DDB2: variants seen among roughly 807,000 people sequenced by gnomAD.
DDB2 encodes the protein damage specific DNA binding protein 2.
DDB2 carries 27 observed loss-of-function variants against 50.5 expected under a neutral mutation model. That is an observed-to-expected ratio of 0.53 (90% confidence interval 0.39 to 0.74). The LOEUF (loss-of-function observed/expected upper bound fraction) is 0.74. Ranked by LOEUF, DDB2 falls within the 30% of genes least tolerant of loss-of-function variation. The pLI, the probability that DDB2 is intolerant of heterozygous loss-of-function variation, is 0.00. For missense variants in DDB2, 424 were observed against 545.6 expected (o/e 0.78, Z 2.22); for synonymous variants, 176 against 205.5 (o/e 0.86, Z 1.23).
intron 4 of DDB2, 132 bp downstream of exon 4, chr11:47,233,091 T>G: frequency 9.3e-7 from 1 of 1,074,586 alleles, no homozygotes; most frequent in East Asian, 2.4e-5. Flanking sequence ...CTTTCCGCCC[T>G]TCTTTCTCTT....
At chr11:47,238,104 C>G in intron 8 of DDB2, 34 bp from the exon 9 acceptor site, 1 of 1,611,872 alleles carries the variant, frequency 6.2e-7, no homozygotes, top group Non-Finnish European at 8.5e-7. Context: ...AATACCTTCA[C>G]CCTCTCCTCA....
chr11:47,230,579 C>T (rs1279599663), intron 3 of DDB2, among the ~76,000 whole-genome samples: 18 of 152,086 alleles, frequency 1.2e-4, no homozygotes, highest in Admixed American at 6.6e-5. Flanking sequence ...CTGGAGGGAG[C>T]CGAAGATTGT....
At chr11:47,233,433 C>A (rs1299886709) in intron 4 of DDB2, 1 of 227,774 alleles carries the variant, frequency 4.4e-6, no homozygotes, top group Non-Finnish European at 8.9e-6. Context: ...CGGCCGGGTG[C>A]AGTGGCTCAT....
At chr11:47,236,564 A>C (rs1346981878) in intron 7 of DDB2, among the ~76,000 whole-genome samples, 1 of 152,202 alleles carries the variant, frequency 6.6e-6, no homozygotes, top group Non-Finnish European at 1.5e-5. Flanking sequence ...CAAATTACTT[A>C]TATTTTGGAT....
At chr11:47,216,180 T>C in intron 1 of DDB2, 156 bp from the exon 2 acceptor site, 2 of 1,089,486 alleles carry the variant, frequency 1.8e-6, no homozygotes, top group South Asian at 2.5e-5. Context: ...TTTTTATTTC[T>C]GGTGCTCGTT....
At chr11:47,235,462 C>T in intron 7 of DDB2, 50 bp downstream of exon 7, 1 of 1,584,548 alleles carries the variant, frequency 6.3e-7, no homozygotes, top group Non-Finnish European at 8.5e-7. Flanking sequence ...GATCATGAGG[C>T]CGGAGCAGGT....
rs770922074 is a variant in DDB2, at chr11:47,216,462, C to A, written c.254C>A (p.Ser85Tyr). Residue 85 changes from serine to tyrosine, a missense_variant, in exon 2 of 10, where the codon TCT becomes TAT. By Grantham distance (144) the Ser-to-Tyr change is moderately radical. Coordinates refer to ENST00000256996, the MANE Select transcript of DDB2 (RefSeq NM_000107.3). ...AAGCTGGGCAGAGCTTCCTGGCCAT[C>A]TGTCCAGCAGGTAAGGCATTTTTTG... ...QHKLGRASWPSVQQGLQQSFL... is the reference protein window; with the variant it reads ...QHKLGRASWPYVQQGLQQSFL... The A allele has an allele frequency of 9.3e-6, 15 of 1,613,280 alleles. No individual in the cohort carries two copies. The highest frequency in any genetic ancestry group is 1.3e-5 in the Non-Finnish European group (15 of 1,180,044).
intron 9 of DDB2, 148 bp downstream of exon 9, chr11:47,238,331 C>A: frequency 1.3e-6 from 1 of 742,044 alleles, no homozygotes; most frequent in South Asian, 1.5e-5. Context: ...GTCTCTATAG[C>A]CAAGGCCCTC....
rs202093583 is a variant in DDB2 at position 47,237,819 on chromosome 11, G to A, written c.1024-18G>A. 38 of 1,613,440 alleles carry A rather than the reference G, an allele frequency of 2.4e-5. No homozygotes were observed. Among genetic ancestry groups the A allele is most frequent in the Middle Eastern group, 1.6e-4 (1 of 6,084 alleles). On this transcript the variant is annotated intron_variant, in intron 7 of 9. Transcript: ENST00000256996. ...ATGTTCTGTGTTTACCCTCATGGCC[G>A]GCCTCTCCATCTCCTAGGCAGCCTG...
At chr11:47,230,109 G>A (rs1453623015) in intron 3 of DDB2, among the ~76,000 whole-genome samples, 1 of 144,956 alleles carries the variant, frequency 6.9e-6, no homozygotes, top group Non-Finnish European at 1.5e-5. Flanking sequence ...ACTGGCCTGA[G>A]TTACATAGTG....
intron 9 of DDB2, 109 bp downstream of exon 9, chr11:47,238,292 C>T (rs2135518063): frequency 1.0e-6 from 1 of 1,001,698 alleles, no homozygotes; most frequent in East Asian, 2.6e-5. Flanking sequence ...AGGGCAGTGG[C>T]CCACGAAGAA....
rs1953708165 is a variant in DDB2, at chr11:47,235,214, C to T, written c.881-56C>T. On this transcript the variant is annotated intron_variant, in intron 6 of 9. Coordinates refer to ENST00000256996, the MANE Select transcript of DDB2 (RefSeq NM_000107.3). ...CCCCTGCAGGAGAAGGCCTGCAAGGCCAGGACCACAGAGGGCTTGTGGTTC... is the reference window on the plus strand; with the variant it reads ...CCCCTGCAGGAGAAGGCCTGCAAGGTCAGGACCACAGAGGGCTTGTGGTTC... 4 of 1,612,890 alleles carry T rather than the reference C, an allele frequency of 2.5e-6. No individual in the cohort carries two copies. The South Asian group carries it at 4.4e-5, about 18-fold the overall frequency.
chr11:47,223,023 GA>G (rs1444202612), intron 3 of DDB2, among the ~76,000 whole-genome samples: 2 of 152,202 alleles, frequency 1.3e-5, no homozygotes, highest in Middle Eastern at 3.4e-3. Flanking sequence ...TGTTTATCTA[GA>G]AAAGTATTTT....
At chr11:47,237,584 C>T in intron 7 of DDB2, 1 of 428,314 alleles carries the variant, frequency 2.3e-6, no homozygotes, top group Non-Finnish European at 4.4e-6. Flanking sequence ...GCATGTACCA[C>T]CACGCCCAGC....
chr11:47,234,767 T>A lies in DDB2; in HGVS notation c.713T>A (p.Leu238His). The change falls in exon 6 of 10, where the codon CTC becomes CAC. Residue 238 changes from leucine (L) to histidine (H), a missense_variant. By Grantham distance (99) the Leu-to-His change is moderately conservative. Transcript: ENST00000256996. ...AGCTCTTCTCTGCAGCTTTGGAATC[T>A]CAGAATGCACAAAAAGAAAGTGACG... is the stretch of plus-strand genomic sequence containing the variant. The part of the protein sequence containing the change: ...LNMDGKELWN[L>H]RMHKKKVTHV... 1 of 1,614,146 alleles carries A rather than the reference T, an allele frequency of 6.2e-7. No homozygotes were observed. Among genetic ancestry groups the A allele is most frequent in the African/African-American group, 1.3e-5 (1 of 75,046 alleles).
intron 3 of DDB2, among the ~76,000 whole-genome samples, chr11:47,228,956 C>A (rs1367935630): frequency 5.7e-3 from 538 of 94,128 alleles, no homozygotes; most frequent in South Asian, 0.01. Flanking sequence ...GACTCCATCT[C>A]AAAAAAAAAA....
chr11:47,232,846 G>T lies in DDB2; in HGVS notation c.489G>T (p.Lys163Asn). The change falls in exon 4 of 10, where the codon AAG becomes AAT. Residue 163 changes from lysine (K) to asparagine (N), a missense_variant. Transcript: ENST00000256996. ...CTGGAGGGAGCATCACTGGGCTGAA[G>T]TTTAACCCTCTCAATACCAACCAGT... ...IGAGGSITGL[K>N]FNPLNTNQFY... 6.2e-7 allele frequency: 1 copy of T among 1,614,072 alleles called. No individual in the cohort carries two copies. Among genetic ancestry groups the T allele is most frequent in the Non-Finnish European group, 8.5e-7 (1 of 1,180,028 alleles).
At chr11:47,230,478 T>C (rs1201973426) in intron 3 of DDB2, among the ~76,000 whole-genome samples, 1 of 152,202 alleles carries the variant, frequency 6.6e-6, no homozygotes, top group Non-Finnish European at 1.5e-5. Flanking sequence ...TTAATTAAAT[T>C]TGGTGTTAAT....
chr11:47,232,189 T>C lies in DDB2; in HGVS notation c.457-625T>C, dbSNP rs181186056. Among the ~76,000 whole-genome samples the C allele has an allele frequency of 1.3e-3, 200 of 151,716 alleles. 1 individual carries two copies. The highest frequency in any genetic ancestry group is 6.8e-3 in the Middle Eastern group (2 of 294). On this transcript the variant is annotated intron_variant, in intron 3 of 9. Coordinates refer to ENST00000256996, the MANE Select transcript of DDB2 (RefSeq NM_000107.3). ...TGAAACCCTGTCTCTACTAAAAATA[T>C]ACAATTTAGCCATGCGTGGTGGTGG...
Sources: gnomAD v4.1 joint callset for allele counts (sites outside exome capture counted in the v4.1 genomes callset) on GRCh38, gnomAD v4.1.1 for gene constraint, MANE v1.5 for transcripts, NCBI Gene and HGNC (gene_info 2026-07-23, HGNC 2026-07-21) for gene names.